GATAD2B: variants seen among roughly 807,000 people sequenced by gnomAD.
The protein encoded by GATAD2B is transcriptional repressor p66-beta.
GATAD2B carries 8 observed loss-of-function variants against 64.3 expected under a neutral mutation model. The observed-to-expected ratio is 0.12, with a 90% CI of 0.07 to 0.22. GATAD2B has a LOEUF of 0.22. Among genes scored for constraint, GATAD2B ranks in the 10% least tolerant of loss-of-function variants. GATAD2B has a pLI of 1.00. For missense variants in GATAD2B, 453 were observed against 752.0 expected (o/e 0.60, Z 4.65); for synonymous variants, 281 against 271.3 (o/e 1.04, Z -0.35).
intron 1 of GATAD2B, among the ~76,000 whole-genome samples, chr1:153,883,791 G>T (rs1053440593): frequency 6.6e-6 from 1 of 151,784 alleles, no homozygotes; most frequent in African/African-American, 2.4e-5. Context: ...ATTGCCATGA[G>T]TTAAATCTTC....
At chr1:153,848,122 T>C (rs1055320854) in intron 1 of GATAD2B, among the ~76,000 whole-genome samples, 2 of 152,218 alleles carry the variant, frequency 1.3e-5, no homozygotes, top group African/African-American at 2.4e-5. Flanking sequence ...CAACTTGGTA[T>C]AGTATTTCTT....
rs1293364352 is a variant in GATAD2B at position 153,917,638 on chromosome 1, G to A, written c.-2+5095C>T. On this transcript the variant is annotated intron_variant, in intron 1 of 10. Coordinates refer to ENST00000368655, the MANE Select transcript of GATAD2B (RefSeq NM_020699.4). The stretch of plus-strand genomic sequence containing the variant: ...TCGAACTCCTGACCTCATGTGATCC[G>A]CCCGCCTCAGCCTCCCAAAGTGCTG... Among the ~76,000 whole-genome samples, 4 of 147,788 alleles carry A rather than the reference G, an allele frequency of 2.7e-5. No individual in the cohort carries two copies. The South Asian group carries it at 6.4e-4, about 24-fold the overall frequency.
chr1:153,813,061 C>T (rs939718322), intron 8 of GATAD2B, among the ~76,000 whole-genome samples, 189 bp downstream of exon 8: 1 of 152,108 alleles, frequency 6.6e-6, no homozygotes, highest in Non-Finnish European at 1.5e-5. Flanking sequence ...TTAACCTCAG[C>T]CATTATATTT....
chr1:153,837,377 C>CAAAA (rs113888342), intron 1 of GATAD2B, among the ~76,000 whole-genome samples: 4 of 145,660 alleles, frequency 2.7e-5, no homozygotes, highest in Non-Finnish European at 3.0e-5. Flanking sequence ...ACAAAACAAA[C>CAAAA]AAAAAAAAAA....
intron 1 of GATAD2B, among the ~76,000 whole-genome samples, chr1:153,854,414 A>G (rs1676011947): frequency 6.6e-6 from 1 of 152,070 alleles, no homozygotes; most frequent in African/African-American, 2.4e-5. Flanking sequence ...AAAAACAAAC[A>G]AACAAACAAA....
chr1:153,822,475 G>A (rs116605491), intron 2 of GATAD2B, among the ~76,000 whole-genome samples: 4,462 of 152,202 alleles, frequency 0.029, 105 homozygotes, highest in Non-Finnish European at 0.045. Flanking sequence ...TAAACACACC[G>A]GTATTAGGTA....
intron 1 of GATAD2B, among the ~76,000 whole-genome samples, chr1:153,899,844 A>G (rs971417496): frequency 2.0e-5 from 3 of 152,148 alleles, no homozygotes; most frequent in African/African-American, 7.2e-5. Context: ...AGAATAACTT[A>G]AAGTCTAACA....
intron 1 of GATAD2B, among the ~76,000 whole-genome samples, chr1:153,871,203 A>G (rs1014573898): frequency 2.6e-5 from 4 of 152,094 alleles, no homozygotes; most frequent in African/African-American, 9.7e-5. Flanking sequence ...AGTAGCTGGG[A>G]CTACAGGTGA....
intron 1 of GATAD2B, among the ~76,000 whole-genome samples, chr1:153,836,257 A>C (rs940100612): frequency 7.9e-5 from 12 of 151,600 alleles, no homozygotes; most frequent in Non-Finnish European, 1.6e-4. Context: ...CTCTAAAAAA[A>C]AATTTGTTTT....
chr1:153,910,829 C>T (rs1004364664), intron 1 of GATAD2B, among the ~76,000 whole-genome samples: 2 of 152,126 alleles, frequency 1.3e-5, no homozygotes, highest in East Asian at 1.9e-4. Flanking sequence ...GTAAGCATTT[C>T]GAACACATTT....
chr1:153,890,487 CAA>C (rs528531915), intron 1 of GATAD2B: 9 of 72,878 alleles, frequency 1.2e-4, no homozygotes, highest in Admixed American at 3.2e-4. Context: ...GACTCCGTCT[CAA>C]AAAAAAAAAA....
intron 2 of GATAD2B, among the ~76,000 whole-genome samples, chr1:153,824,014 G>A (rs147111117): frequency 0.012 from 1,788 of 152,280 alleles, 29 homozygotes; most frequent in African/African-American, 0.041. Context: ...ACAGGCGTGA[G>A]CCACTGTGCC....
rs181673343 is a variant in GATAD2B at position 153,853,667 on chromosome 1, C to T, written c.-1-25319G>A. Among the ~76,000 whole-genome samples, 29 of 152,244 alleles carry T rather than the reference C, an allele frequency of 1.9e-4. No homozygotes were observed. The East Asian group carries it at 4.8e-3, about 25-fold the overall frequency. On this transcript the variant is annotated intron_variant, in intron 1 of 10. Transcript: ENST00000368655. Reference sequence around the variant, plus strand: ...GCCTGTGTTTTTGATGTCATATCCACGAAATCATTGCCAAGACCAATGTCA... The same window carrying T: ...GCCTGTGTTTTTGATGTCATATCCATGAAATCATTGCCAAGACCAATGTCA...
intron 1 of GATAD2B, among the ~76,000 whole-genome samples, chr1:153,895,779 C>T (rs1341541083): frequency 6.6e-6 from 1 of 151,994 alleles, no homozygotes; most frequent in Non-Finnish European, 1.5e-5. Context: ...GATTCTAAGT[C>T]TGATGCTCAC....
chr1:153,835,231 T>C (rs1004529167), intron 1 of GATAD2B, among the ~76,000 whole-genome samples: 2 of 152,168 alleles, frequency 1.3e-5, no homozygotes, highest in East Asian at 1.9e-4. Context: ...GTGAACACTG[T>C]TGAAATGACA....
chr1:153,871,200 G>C (rs1676655178), intron 1 of GATAD2B, among the ~76,000 whole-genome samples: 1 of 152,100 alleles, frequency 6.6e-6, no homozygotes, highest in Non-Finnish European at 1.5e-5. Flanking sequence ...CCAAGTAGCT[G>C]GGACTACAGG....
intron 1 of GATAD2B, among the ~76,000 whole-genome samples, chr1:153,887,100 C>T (rs1677207218): frequency 1.3e-5 from 2 of 152,140 alleles, no homozygotes; most frequent in South Asian, 4.1e-4. Flanking sequence ...ACAGAACAGC[C>T]AAACCCCATT....
At position 153,828,622 on chromosome 1, in the gene GATAD2B, C is replaced by T. The variant is rs6690242; in HGVS notation, c.-1-274G>A. 0.71 allele frequency among the ~76,000 whole-genome samples: 107,513 copies of T among 151,830 alleles called. 39,799 individuals carry two copies. Among genetic ancestry groups the T allele is most frequent in the Non-Finnish European group, 0.83 (56,152 of 67,998 alleles). On this transcript the variant is annotated intron_variant, in intron 1 of 10. Coordinates refer to ENST00000368655, the MANE Select transcript of GATAD2B (RefSeq NM_020699.4). ...TCTACATAAGCAAGGCCTGTTGACA[C>T]GTGCCCTTAATTCTACATGGATACA...
At chr1:153,810,737 T>C (rs1467500569) in intron 10 of GATAD2B, among the ~76,000 whole-genome samples, 1 of 151,742 alleles carries the variant, frequency 6.6e-6, no homozygotes, top group Admixed American at 6.6e-5. Flanking sequence ...ATTACAGGCA[T>C]GACCCACTGC....
Sources: gnomAD v4.1 joint callset for allele counts (sites outside exome capture counted in the v4.1 genomes callset) on GRCh38, gnomAD v4.1.1 for gene constraint, MANE v1.5 for transcripts, NCBI Gene and HGNC (gene_info 2026-07-23, HGNC 2026-07-21) for gene names.